The following CSMD1 variants were observed in gnomAD, a reference collection of about 807,000 sequenced individuals.
CSMD1 encodes CUB and sushi domain-containing protein 1.
A neutral mutation model predicts 417.5 loss-of-function variants in CSMD1; 213 were observed. The observed-to-expected ratio is 0.51, with a 90% CI of 0.46 to 0.57. The LOEUF (loss-of-function observed/expected upper bound fraction) is 0.57, where lower values mean the gene tolerates loss of function less well. CSMD1 is among the 20% of genes least tolerant of loss of function. CSMD1 has a pLI of 0.00. For synonymous variants in CSMD1, 2,862 were observed against 1,736.8 expected (o/e 1.65, Z -16.11); for missense variants, 6,923 against 4,529.7 (o/e 1.53, Z -15.17).
At chr8:3,192,027 C>T (rs1010429892) in intron 33 of CSMD1, among the ~76,000 whole-genome samples, 1 of 152,108 alleles carries the variant, frequency 6.6e-6, no homozygotes, top group African/African-American at 2.4e-5. Flanking sequence ...TTGAATCAGA[C>T]CAACGACAGA....
At chr8:4,639,628 G>C (rs1305177947) in intron 1 of CSMD1, among the ~76,000 whole-genome samples, 1 of 152,166 alleles carries the variant, frequency 6.6e-6, no homozygotes, top group African/African-American at 2.4e-5. Flanking sequence ...GGTGTACTCA[G>C]ATTGTGGCAT....
chr8:4,214,389 C>G (rs542000435), intron 3 of CSMD1, among the ~76,000 whole-genome samples: 20 of 152,290 alleles, frequency 1.3e-4, no homozygotes, highest in African/African-American at 4.6e-4. Flanking sequence ...CCTCTGCCTC[C>G]TGGATTCAAT....
At chr8:3,525,416 G>A (rs1001187022) in intron 10 of CSMD1, among the ~76,000 whole-genome samples, 1 of 152,130 alleles carries the variant, frequency 6.6e-6, no homozygotes, top group Non-Finnish European at 1.5e-5. Context: ...TAATATCCCA[G>A]GTACTGAGTT....
At chr8:4,798,006 C>G (rs1158922300) in intron 1 of CSMD1, among the ~76,000 whole-genome samples, 1 of 152,164 alleles carries the variant, frequency 6.6e-6, no homozygotes, top group African/African-American at 2.4e-5. Context: ...GCCAAAATCT[C>G]GAAGCATTTT....
At chr8:3,362,334 C>A (rs2117728433) in intron 20 of CSMD1, among the ~76,000 whole-genome samples, 1 of 152,324 alleles carries the variant, frequency 6.6e-6, no homozygotes, top group Middle Eastern at 3.4e-3. Flanking sequence ...CCTTCACAGC[C>A]TTCCACTCAA....
At chr8:4,849,097 T>A (rs1273203704) in intron 1 of CSMD1, among the ~76,000 whole-genome samples, 2 of 152,176 alleles carry the variant, frequency 1.3e-5, no homozygotes, top group East Asian at 3.9e-4. Flanking sequence ...AAGACAGTGA[T>A]ATGTATGATT....
chr8:4,626,337 C>G (rs1048412780), intron 2 of CSMD1, among the ~76,000 whole-genome samples: 1 of 151,658 alleles, frequency 6.6e-6, no homozygotes, highest in Non-Finnish European at 1.5e-5. Flanking sequence ...GCCAGCCACA[C>G]CTTTTTTTTT....
At chr8:4,431,882 A>G (rs1164614171) in intron 2 of CSMD1, among the ~76,000 whole-genome samples, 1 of 152,202 alleles carries the variant, frequency 6.6e-6, no homozygotes, top group Non-Finnish European at 1.5e-5. Context: ...TATTATATAT[A>G]CTATTAAAAT....
intron 1 of CSMD1, among the ~76,000 whole-genome samples, chr8:4,660,770 C>G (rs916738686): frequency 2.6e-5 from 4 of 152,000 alleles, no homozygotes; most frequent in African/African-American, 9.7e-5. Flanking sequence ...ACTCTCAAAA[C>G]TCAGCCATAA....
chr8:4,202,914 G>C lies in CSMD1; in HGVS notation c.416-170815C>G, dbSNP rs78435095. On this transcript the variant is annotated intron_variant, in intron 3 of 69. Coordinates refer to ENST00000635120, the MANE Select transcript of CSMD1 (RefSeq NM_033225.6). ...AGGGGCATGGACTGTGTGGACACCT[G>C]GAGTGAGGAGAGATGTTGGCCTTAT... is the stretch of plus-strand genomic sequence containing the variant. Among the ~76,000 whole-genome samples the C allele has an allele frequency of 2.9e-4, 44 of 152,258 alleles. 3 individuals are homozygous for C. The East Asian group carries it at 8.5e-3, about 29-fold the overall frequency.
At chr8:4,174,164 T>C (rs574189330) in intron 3 of CSMD1, among the ~76,000 whole-genome samples, 4 of 152,128 alleles carry the variant, frequency 2.6e-5, no homozygotes, top group Non-Finnish European at 4.4e-5. Flanking sequence ...TGGCTGCCCC[T>C]AGAGGAGAAT....
At chr8:4,098,922 T>G (rs376381882) in intron 3 of CSMD1, among the ~76,000 whole-genome samples, 1 of 152,190 alleles carries the variant, frequency 6.6e-6, no homozygotes, top group Non-Finnish European at 1.5e-5. Flanking sequence ...TATTAGAGAC[T>G]GGGGTACAAC....
At chr8:4,326,439 G>A (rs1799567543) in intron 3 of CSMD1, among the ~76,000 whole-genome samples, 1 of 152,126 alleles carries the variant, frequency 6.6e-6, no homozygotes, top group Non-Finnish European at 1.5e-5. Context: ...CAGCTACTGA[G>A]CAAGAGGTAA....
chr8:4,216,275 C>G (rs1278321174), intron 3 of CSMD1, among the ~76,000 whole-genome samples: 2 of 152,072 alleles, frequency 1.3e-5, no homozygotes, highest in Admixed American at 6.6e-5. Context: ...CGAGACCTGA[C>G]CTTCTCCCTG....
intron 41 of CSMD1, among the ~76,000 whole-genome samples, chr8:3,119,300 C>T (rs1817050019): frequency 6.7e-6 from 1 of 148,300 alleles, no homozygotes; most frequent in Admixed American, 6.9e-5. Flanking sequence ...AGTCTGAGTA[C>T]TCCTAACTGG....
Position 3,909,661 on chromosome 8 carries a change from G to C in CSMD1, c.818+88242C>G, listed in dbSNP as rs182451693. ...CAGGAATGGGTGAAGAGTCACCTGG[G>C]AACCCTCCTTTTCCTAACATCATCA... On this transcript the variant is annotated intron_variant, in intron 5 of 69. Coordinates refer to ENST00000635120, the MANE Select transcript of CSMD1 (RefSeq NM_033225.6). Among the ~76,000 whole-genome samples, 287 of 152,238 alleles carry C rather than the reference G, an allele frequency of 1.9e-3. 2 individuals carry two copies. The highest frequency in any genetic ancestry group is 6.4e-3 in the African/African-American group (266 of 41,544).
intron 3 of CSMD1, among the ~76,000 whole-genome samples, chr8:4,285,687 G>A (rs576373735): frequency 6.6e-6 from 1 of 152,140 alleles, no homozygotes; most frequent in African/African-American, 2.4e-5. Context: ...AGGAAGAATG[G>A]AGCTTTCCAG....
intron 3 of CSMD1, among the ~76,000 whole-genome samples, chr8:4,180,050 C>T (rs556272394): frequency 5.9e-5 from 9 of 152,166 alleles, no homozygotes; most frequent in African/African-American, 2.2e-4. Context: ...ACTGGAAATA[C>T]CATTTGACCC....
chr8:4,080,069 G>A (rs1466418225), intron 3 of CSMD1, among the ~76,000 whole-genome samples: 3 of 150,702 alleles, frequency 2.0e-5, no homozygotes, highest in Non-Finnish European at 4.4e-5. Context: ...CGACTCATCT[G>A]ACAACAGTCT....
Sources: gnomAD v4.1 joint callset for allele counts (sites outside exome capture counted in the v4.1 genomes callset) on GRCh38, gnomAD v4.1.1 for gene constraint, MANE v1.5 for transcripts, NCBI Gene and HGNC (gene_info 2026-07-23, HGNC 2026-07-21) for gene names.